Variants in RAPGEF4 observed in about 807,000 individuals in gnomAD.
RAPGEF4 encodes the protein RAP guanine-nucleotide-exchange factor (GEF) 4.
Under a neutral mutation model 147.9 loss-of-function variants are expected in RAPGEF4, and 66 were observed. The observed-to-expected ratio is 0.45, with a 90% CI of 0.37 to 0.55. RAPGEF4 has a LOEUF of 0.55. RAPGEF4 is among the 20% of genes least tolerant of loss of function. The pLI is 0.00. For missense variants in RAPGEF4, 1,071 were observed against 1,257.3 expected, an observed-to-expected ratio of 0.85 and a Z score of 2.24; for synonymous variants, 419 against 442.7, an observed-to-expected ratio of 0.95 and a Z score of 0.67.
rs943131793 is a variant in RAPGEF4, at chr2:173,016,499, C to G, written c.1898+62C>G. On this transcript the variant is annotated intron_variant, in intron 19 of 30. Coordinates refer to ENST00000397081, the MANE Select transcript of RAPGEF4 (RefSeq NM_007023.4). The stretch of plus-strand genomic sequence containing the variant: ...CAAGTAAATCTCAAAAAGTCCTTTG[C>G]CCACAAGAAAGGTTAAAGCTGGTCT... 7 of 1,380,452 alleles carry G rather than the reference C, an allele frequency of 5.1e-6. No homozygotes were observed. In the African/African-American group the frequency reaches 1.0e-4, roughly 20 times the overall value. 85.5% of individuals were successfully genotyped at this position (1,380,452 alleles called of 1,614,324 possible). A position where few individuals can be genotyped will look rare whatever the true frequency, so the allele number is the denominator to read the frequency against.
intron 4 of RAPGEF4, among the ~76,000 whole-genome samples, chr2:172,905,189 G>A (rs116300369): frequency 0.017 from 2,564 of 152,032 alleles, 27 homozygotes; most frequent in Non-Finnish European, 0.025. Context: ...CTCCCCACCC[G>A]AACAGGTTTT....
At chr2:172,910,332 T>C (rs1028161865) in intron 4 of RAPGEF4, among the ~76,000 whole-genome samples, 5 of 152,240 alleles carry the variant, frequency 3.3e-5, no homozygotes, top group African/African-American at 1.2e-4. Context: ...TTGAGGGCTA[T>C]AAACTCTACA....
intron 25 of RAPGEF4, among the ~76,000 whole-genome samples, chr2:173,029,706 T>C (rs945513656): frequency 6.6e-6 from 1 of 152,196 alleles, no homozygotes; most frequent in African/African-American, 2.4e-5. Flanking sequence ...AGCATTTGCA[T>C]GGCAGGTAGA....
At chr2:173,021,777 T>C (rs185425014) in intron 23 of RAPGEF4, among the ~76,000 whole-genome samples, 20 of 152,226 alleles carry the variant, frequency 1.3e-4, no homozygotes, top group Non-Finnish European at 2.5e-4. Flanking sequence ...TAATCCTGAT[T>C]TTTTGTTTTA....
chr2:172,776,301 T>C (rs968120407), intron 1 of RAPGEF4, among the ~76,000 whole-genome samples: 5 of 152,140 alleles, frequency 3.3e-5, no homozygotes, highest in African/African-American at 1.2e-4. Flanking sequence ...ATCACTTCCA[T>C]CACTTTCTGG....
At chr2:172,922,213 T>C in intron 5 of RAPGEF4, 68 bp from the exon 6 acceptor site, 1 of 1,511,412 alleles carries the variant, frequency 6.6e-7, no homozygotes, top group Non-Finnish European at 9.2e-7. Context: ...TTCAGCAAAA[T>C]TTCAATTCCA....
At chr2:172,888,825 A>G (rs1444094862) in intron 4 of RAPGEF4, among the ~76,000 whole-genome samples, 3 of 152,158 alleles carry the variant, frequency 2.0e-5, no homozygotes, top group Non-Finnish European at 4.4e-5. Flanking sequence ...TATTTATCTG[A>G]GTGATGGTGA....
chr2:172,851,132 G>A (rs765115084), intron 4 of RAPGEF4, among the ~76,000 whole-genome samples: 1 of 152,126 alleles, frequency 6.6e-6, no homozygotes, highest in Non-Finnish European at 1.5e-5. Flanking sequence ...AGAGATTCTG[G>A]TATGTTGTAT....
In RAPGEF4 at chr2:172,926,009, AGGACGGAGGGAGGGAGGGAG is replaced by A. The variant is rs1277814357; in HGVS notation, c.537+3733_537+3752del. ...GGGAGGAAGGAAGGAAGGGAAAGAA[AGGACGGAGGGAGGGAGGGAG>A]GGACGGAGGGAGGGAGGGAGGGAGG... On this transcript the variant is annotated intron_variant, in intron 6 of 30. Coordinates refer to ENST00000397081, the MANE Select transcript of RAPGEF4 (RefSeq NM_007023.4). Among the ~76,000 whole-genome samples, 61 of 90,888 alleles carry A rather than the reference AGGACGGAGGGAGGGAGGGAG, an allele frequency of 6.7e-4. 1 individual carries two copies. Among genetic ancestry groups the A allele is most frequent in the Middle Eastern group, 5.6e-3 (1 of 178 alleles). The allele number at this position is 90,888 out of a possible 152,430, so 59.6% of individuals were successfully genotyped here.
chr2:172,753,875 TACAC>T (rs58877556), intron 1 of RAPGEF4, among the ~76,000 whole-genome samples: 41 of 146,552 alleles, frequency 2.8e-4, no homozygotes, highest in African/African-American at 9.9e-4. Flanking sequence ...ACAGTGTATG[TACAC>T]ACACACACAC....
intron 17 of RAPGEF4, among the ~76,000 whole-genome samples, chr2:173,001,942 T>G (rs1188863055): frequency 2.1e-5 from 3 of 139,864 alleles, no homozygotes; most frequent in African/African-American, 8.0e-5. Context: ...AACTGTACCA[T>G]TATCTGTGCA....
chr2:172,945,800 T>C (rs188550391), intron 6 of RAPGEF4, among the ~76,000 whole-genome samples: 1 of 152,332 alleles, frequency 6.6e-6, no homozygotes, highest in East Asian at 1.9e-4. Context: ...TTAATATGTA[T>C]TAGTCTTAAT....
intron 4 of RAPGEF4, among the ~76,000 whole-genome samples, chr2:172,852,556 A>T (rs1361965195): frequency 6.6e-6 from 1 of 152,136 alleles, no homozygotes; most frequent in Non-Finnish European, 1.5e-5. Context: ...TGATTCTTCT[A>T]TACAAAAAAT....
At chr2:172,799,622 A>G (rs1357023284) in intron 3 of RAPGEF4, among the ~76,000 whole-genome samples, 2 of 152,174 alleles carry the variant, frequency 1.3e-5, no homozygotes, top group Non-Finnish European at 2.9e-5. Flanking sequence ...CCTACACAGG[A>G]TCATTCTGCT....
intron 9 of RAPGEF4, among the ~76,000 whole-genome samples, chr2:172,966,493 G>A (rs1044678869): frequency 4.6e-5 from 7 of 152,020 alleles, no homozygotes; most frequent in South Asian, 2.1e-4. Context: ...TCCAGGAATC[G>A]CCCTTTGAGC....
intron 6 of RAPGEF4, among the ~76,000 whole-genome samples, chr2:172,954,620 T>C (rs1688546413): frequency 6.6e-6 from 1 of 152,180 alleles, no homozygotes; most frequent in Admixed American, 6.5e-5. Flanking sequence ...CTTATTTTAA[T>C]TTCATCTGGG....
At chr2:172,763,942 A>G (rs1429359003) in intron 1 of RAPGEF4, among the ~76,000 whole-genome samples, 1 of 152,180 alleles carries the variant, frequency 6.6e-6, no homozygotes, top group Non-Finnish European at 1.5e-5. Flanking sequence ...AGGAAATACT[A>G]CTTAACCTAT....
At chr2:172,906,828 C>G (rs1306196348) in intron 4 of RAPGEF4, among the ~76,000 whole-genome samples, 1 of 152,220 alleles carries the variant, frequency 6.6e-6, no homozygotes, top group Non-Finnish European at 1.5e-5. Flanking sequence ...AAGCTGCCAG[C>G]CTTCCTTTCT....
intron 6 of RAPGEF4, among the ~76,000 whole-genome samples, chr2:172,941,257 A>C (rs576810886): frequency 6.6e-6 from 1 of 152,266 alleles, no homozygotes; most frequent in South Asian, 2.1e-4. Context: ...GAATGGTGAG[A>C]AAGAATACCC....
Sources: allele counts gnomAD v4.1 joint callset (sites outside exome capture counted in the v4.1 genomes callset), GRCh38; gene constraint gnomAD v4.1.1; transcripts MANE v1.5; gene names NCBI Gene and HGNC (gene_info 2026-07-23, HGNC 2026-07-21).